Variants in FLI1 observed in about 807,000 individuals in gnomAD.
The protein encoded by FLI1 is Fli-1 proto-oncogene, ETS transcription factor.
FLI1 carries 13 observed loss-of-function variants against 53.1 expected under a neutral mutation model. The ratio of observed to expected loss-of-function variants is 0.24; its 90% confidence interval spans 0.16 to 0.39. FLI1 has a LOEUF of 0.39. Among genes scored for constraint, FLI1 ranks in the 10% least tolerant of loss-of-function variants. FLI1 has a pLI of 1.00. For synonymous variants in FLI1, 244 were observed against 236.7 expected (o/e 1.03, Z -0.28); for missense variants, 424 against 600.5 (o/e 0.71, Z 3.07).
At chr11:128,747,338 AAT>A (rs1940440286) in intron 1 of FLI1, among the ~76,000 whole-genome samples, 2 of 152,302 alleles carry the variant, frequency 1.3e-5, no homozygotes, top group South Asian at 4.2e-4. Flanking sequence ...CATCTGGCGG[AAT>A]AGAGTCCCAG....
At chr11:128,704,605 G>C (rs1286033775) in intron 1 of FLI1, among the ~76,000 whole-genome samples, 5 of 152,170 alleles carry the variant, frequency 3.3e-5, no homozygotes, top group African/African-American at 1.2e-4. Context: ...ACAATAATTT[G>C]ATGTCCAAGG....
At chr11:128,763,770 C>T (rs3888275) in intron 2 of FLI1, among the ~76,000 whole-genome samples, 3,778 of 152,288 alleles carry the variant, frequency 0.025, 125 homozygotes, top group East Asian at 0.091. Flanking sequence ...TACACAGGAT[C>T]CTGGAAAAGT....
intron 2 of FLI1, among the ~76,000 whole-genome samples, chr11:128,760,276 G>T (rs694129): frequency 0.34 from 51,013 of 152,022 alleles, 8,824 homozygotes; most frequent in Admixed American, 0.43. Flanking sequence ...ACAGTGCTTT[G>T]TCTAAGGATT....
chr11:128,810,616 C>T lies in FLI1; in HGVS notation c.987C>T (p.Asn329=), dbSNP rs1168213332. 1.9e-6 allele frequency: 3 copies of T among 1,614,010 alleles called. No homozygotes were observed. Among genetic ancestry groups the T allele is most frequent in the African/African-American group, 1.3e-5 (1 of 75,056 alleles). ...GGGGCGAGCGGAAAAGCAAGCCCAA[C>T]ATGAATTACGACAAGCTGAGCCGGG... The part of the protein sequence containing the change: ...RRWGERKSKP[N]MNYDKLSRAL... Residue 329 remains asparagine (N), a synonymous_variant, in exon 9 of 9, where the codon AAC becomes AAT. Coordinates refer to ENST00000527786, the MANE Select transcript of FLI1 (RefSeq NM_002017.5). The surrounding 1 kb of genome is among the most constrained non-coding windows in gnomAD (Gnocchi z 6.6).
intron 1 of FLI1, among the ~76,000 whole-genome samples, chr11:128,736,849 G>C (rs1490337664): frequency 6.6e-6 from 1 of 152,056 alleles, no homozygotes; most frequent in African/African-American, 2.4e-5. Flanking sequence ...GTGTATGCAG[G>C]TGTGTGGGGA....
chr11:128,736,779 G>C (rs926099963), intron 1 of FLI1, among the ~76,000 whole-genome samples: 2 of 152,184 alleles, frequency 1.3e-5, no homozygotes, highest in African/African-American at 4.8e-5. Flanking sequence ...ATTTGCATAA[G>C]TTAAATATTT....
chr11:128,759,393 C>G (rs894334255), intron 2 of FLI1, among the ~76,000 whole-genome samples: 1 of 152,226 alleles, frequency 6.6e-6, no homozygotes, highest in Admixed American at 6.5e-5. Flanking sequence ...TGACTTAAGA[C>G]TAGCGAGCTG....
In FLI1 at chr11:128,732,621, C is replaced by T. The variant is rs192932528; in HGVS notation, c.19-25494C>T. ...AGTGCTCTGAGAAAGACGTTAAGGC[C>T]GGATAGATACAAGCCTGGGATTGGA... On this transcript the variant is annotated intron_variant, in intron 1 of 8. Coordinates refer to ENST00000527786, the MANE Select transcript of FLI1 (RefSeq NM_002017.5). Among the ~76,000 whole-genome samples the T allele has an allele frequency of 1.8e-4, 27 of 152,184 alleles. No individual in the cohort carries two copies. The East Asian group carries it at 4.0e-3, about 23-fold the overall frequency.
intron 1 of FLI1, among the ~76,000 whole-genome samples, chr11:128,720,555 C>A (rs1405147177): frequency 2.6e-5 from 4 of 152,172 alleles, no homozygotes; most frequent in African/African-American, 9.7e-5. Context: ...CTTAATGCAG[C>A]CCAGATGGAA....
intron 1 of FLI1, among the ~76,000 whole-genome samples, chr11:128,728,680 G>A (rs1371915193): frequency 2.6e-5 from 4 of 152,208 alleles, no homozygotes; most frequent in Non-Finnish European, 2.9e-5. Flanking sequence ...CAAGGCAAAC[G>A]TTCCAGTGCG....
rs1942962682 is a variant in FLI1, at chr11:128,812,678, G to T, written c.*1690G>T. The stretch of plus-strand genomic sequence containing the variant: ...GGCCATGGATAAACCTGTATGTAAG[G>T]ACTGGAGCAAAGCGAGCTGGTCTAT... On this transcript the variant is annotated 3_prime_UTR_variant, in exon 9 of 9. Transcript: ENST00000527786. The T allele has an allele frequency of 4.5e-6, 1 of 221,870 alleles. No individual in the cohort carries two copies. Among genetic ancestry groups the T allele is most frequent in the African/African-American group, 2.2e-5 (1 of 44,968 alleles). 13.7% of individuals were successfully genotyped at this position (221,870 alleles called of 1,614,324 possible). A position where few individuals can be genotyped will look rare whatever the true frequency, so the allele number is the denominator to read the frequency against.
rs774270439 is a variant in FLI1, at chr11:128,810,568, C to A, written c.939C>A (p.Asp313Glu). 6.2e-7 allele frequency: 1 copy of A among 1,613,372 alleles called. No homozygotes were observed. Among genetic ancestry groups the A allele is most frequent in the South Asian group, 1.1e-5 (1 of 90,882 alleles). ...CCAACGGGGAGTTCAAAATGACGGACCCCGATGAGGTGGCCAGGCGCTGGG... is the reference window on the plus strand; with the variant it reads ...CCAACGGGGAGTTCAAAATGACGGAACCCGATGAGGTGGCCAGGCGCTGGG... Reference protein sequence around the residue: ...EGTNGEFKMTDPDEVARRWGE... With the variant: ...EGTNGEFKMTEPDEVARRWGE... The change falls in exon 9 of 9, where the codon GAC becomes GAA. Residue 313 changes from aspartate to glutamate, a missense_variant. Physicochemically the swap from Asp to Glu is conservative, Grantham distance 45. Transcript: ENST00000527786. The surrounding 1 kb of genome is among the most constrained non-coding windows in gnomAD (Gnocchi z 6.6).
upstream of FLI1, among the ~76,000 whole-genome samples, chr11:128,690,841 C>A (rs996258745): frequency 6.6e-6 from 1 of 152,118 alleles, no homozygotes; most frequent in African/African-American, 2.4e-5. Flanking sequence ...ACTTGAAAAC[C>A]AGCCCCGAGC....
At chr11:128,797,653 C>T (rs1325809291) in intron 5 of FLI1, among the ~76,000 whole-genome samples, 2 of 152,136 alleles carry the variant, frequency 1.3e-5, no homozygotes, top group African/African-American at 4.8e-5. Flanking sequence ...GTGTTCTCAG[C>T]ATGTAAAGTG....
At chr11:128,784,525 G>A (rs1423577434) in intron 5 of FLI1, among the ~76,000 whole-genome samples, 5 of 152,144 alleles carry the variant, frequency 3.3e-5, no homozygotes, top group Non-Finnish European at 5.9e-5. Flanking sequence ...CTCTAGAGAC[G>A]ATTAAGCCTG....
At chr11:128,689,813 G>T (rs1177562923), upstream of FLI1, among the ~76,000 whole-genome samples, 1 of 152,196 alleles carries the variant, frequency 6.6e-6, no homozygotes, top group Non-Finnish European at 1.5e-5. Flanking sequence ...CAGCGACGCC[G>T]CGTGGTCTGG....
chr11:128,797,723 C>T lies in FLI1; in HGVS notation c.656-7643C>T, dbSNP rs149020088. On this transcript the variant is annotated intron_variant, in intron 5 of 8. Coordinates refer to ENST00000527786, the MANE Select transcript of FLI1 (RefSeq NM_002017.5). ...TTGAATGAATAAATGTGTGGTGGGACATAAGGCATCAATTAAATCCAATAA... is the reference window on the plus strand; with the variant it reads ...TTGAATGAATAAATGTGTGGTGGGATATAAGGCATCAATTAAATCCAATAA... Among the ~76,000 whole-genome samples, 825 of 152,224 alleles carry T rather than the reference C, an allele frequency of 5.4e-3. 2 individuals are homozygous for T. The highest frequency in any genetic ancestry group is 0.019 in the African/African-American group (794 of 41,542).
intron 1 of FLI1, among the ~76,000 whole-genome samples, chr11:128,720,379 CTT>C (rs1407182074): frequency 4.6e-5 from 7 of 152,322 alleles, no homozygotes; most frequent in African/African-American, 1.7e-4. Context: ...AGCCTTATCT[CTT>C]TTGTATTTTC....
chr11:128,736,991 G>A (rs966375294), intron 1 of FLI1, among the ~76,000 whole-genome samples: 5 of 152,112 alleles, frequency 3.3e-5, no homozygotes, highest in African/African-American at 7.2e-5. Flanking sequence ...CCAAGCCTCC[G>A]ACCACAAACC....
Sources: gnomAD v4.1 joint callset for allele counts (sites outside exome capture counted in the v4.1 genomes callset) on GRCh38, gnomAD v4.1.1 for gene constraint, Gnocchi (gnomAD v3.1) non-coding constraint, MANE v1.5 for transcripts, NCBI Gene and HGNC (gene_info 2026-07-23, HGNC 2026-07-21) for gene names.